The following SPTLC3 variants were observed in gnomAD, a reference collection of about 807,000 sequenced individuals.
SPTLC3 encodes the protein serine palmitoyltransferase long chain base subunit 3.
A neutral mutation model predicts 59.3 loss-of-function variants in SPTLC3; 36 were observed. The ratio of observed to expected loss-of-function variants is 0.61; its 90% CI spans 0.47 to 0.80. SPTLC3 has a LOEUF of 0.80. Among genes scored for constraint, SPTLC3 ranks in the 30% least tolerant of loss-of-function variants. SPTLC3 has a pLI of 0.00. For synonymous variants in SPTLC3, 257 were observed against 240.8 expected (o/e 1.07, Z -0.62); for missense variants, 625 against 685.1 (o/e 0.91, Z 0.98).
intron 1 of SPTLC3, among the ~76,000 whole-genome samples, chr20:13,046,760 A>T (rs1987252349): frequency 6.6e-6 from 1 of 152,222 alleles, no homozygotes; most frequent in African/African-American, 2.4e-5. Flanking sequence ...GGACATAGTT[A>T]GAGGGAGGAG....
chr20:13,115,263 T>G (rs529622565), intron 7 of SPTLC3, among the ~76,000 whole-genome samples: 2 of 152,284 alleles, frequency 1.3e-5, no homozygotes, highest in South Asian at 2.1e-4. Context: ...GAAAACTTAG[T>G]GTGGGTGAAT....
chr20:13,161,322 T>C (rs1460526976), intron 11 of SPTLC3, among the ~76,000 whole-genome samples: 1 of 152,160 alleles, frequency 6.6e-6, no homozygotes, highest in Non-Finnish European at 1.5e-5. Flanking sequence ...CTAGACATGT[T>C]GAGACTATGT....
intron 1 of SPTLC3, among the ~76,000 whole-genome samples, chr20:13,033,848 C>A (rs979962050): frequency 6.6e-6 from 1 of 152,026 alleles, no homozygotes; most frequent in African/African-American, 2.4e-5. Flanking sequence ...GAACATCCAG[C>A]CTGGTGCTTT....
intron 1 of SPTLC3, among the ~76,000 whole-genome samples, chr20:13,019,663 G>A (rs1985761800): frequency 6.6e-6 from 1 of 152,146 alleles, no homozygotes; most frequent in Non-Finnish European, 1.5e-5. Context: ...TAGAGACCTG[G>A]TGATATTTAT....
intron 1 of SPTLC3, among the ~76,000 whole-genome samples, chr20:13,034,736 T>C (rs1301628687): frequency 1.3e-5 from 2 of 151,860 alleles, no homozygotes; most frequent in Non-Finnish European, 2.9e-5. Context: ...AAGAACTAAA[T>C]AGTGTATCAT....
intron 7 of SPTLC3, among the ~76,000 whole-genome samples, chr20:13,111,636 G>C (rs979659823): frequency 1.3e-5 from 2 of 152,166 alleles, no homozygotes; most frequent in African/African-American, 4.8e-5. Context: ...CTTTTTCCCT[G>C]TGTGATTTGT....
At chr20:13,029,416 G>A (rs2122423143) in intron 1 of SPTLC3, among the ~76,000 whole-genome samples, 1 of 152,200 alleles carries the variant, frequency 6.6e-6, no homozygotes, top group South Asian at 2.1e-4. Context: ...GAGCTATGAT[G>A]GCTAAAACAT....
chr20:13,134,520 C>G (rs760108221), intron 9 of SPTLC3, among the ~76,000 whole-genome samples: 1 of 152,262 alleles, frequency 6.6e-6, no homozygotes, highest in South Asian at 2.1e-4. Flanking sequence ...CATCATACAG[C>G]AGTGGTTCTC....
chr20:13,017,824 C>G (rs1375644172), intron 1 of SPTLC3, among the ~76,000 whole-genome samples: 3 of 152,130 alleles, frequency 2.0e-5, no homozygotes, highest in Admixed American at 1.3e-4. Flanking sequence ...TGGGCTAGAC[C>G]TAATGACTTA....
At chr20:13,032,650 A>G (rs1986544678) in intron 1 of SPTLC3, among the ~76,000 whole-genome samples, 1 of 151,982 alleles carries the variant, frequency 6.6e-6, no homozygotes, top group Non-Finnish European at 1.5e-5. Flanking sequence ...GCTCTCCCTC[A>G]TTCACTCATT....
intron 1 of SPTLC3, among the ~76,000 whole-genome samples, chr20:13,015,728 C>T (rs948205051): frequency 3.9e-5 from 6 of 152,130 alleles, no homozygotes; most frequent in African/African-American, 1.4e-4. Context: ...GCACTACCAA[C>T]TAGTAAATCA....
At chr20:13,038,046 AT>A (rs1271240226) in intron 1 of SPTLC3, among the ~76,000 whole-genome samples, 8 of 133,238 alleles carry the variant, frequency 6.0e-5, no homozygotes, top group East Asian at 3.9e-4. Context: ...AAAATCATGA[AT>A]ATATATATAT....
At chr20:13,041,529 A>T (rs1986980421) in intron 1 of SPTLC3, among the ~76,000 whole-genome samples, 1 of 151,892 alleles carries the variant, frequency 6.6e-6, no homozygotes, top group South Asian at 2.1e-4. Context: ...CTCCTTTAAC[A>T]TGGTTTCCTT....
At chr20:13,124,741 G>T (rs2037948444) in intron 8 of SPTLC3, among the ~76,000 whole-genome samples, 1 of 152,192 alleles carries the variant, frequency 6.6e-6, no homozygotes, top group South Asian at 2.1e-4. Context: ...AACTGTGAAT[G>T]TTGAAAATGC....
chr20:13,072,225 C>A, intron 2 of SPTLC3, 31 bp from the exon 3 acceptor site: 1 of 1,580,354 alleles, frequency 6.3e-7, no homozygotes, highest in South Asian at 1.2e-5. Flanking sequence ...AGCAAAGAAC[C>A]AGAGATAACC....
chr20:13,153,015 G>A (rs1158874848), intron 9 of SPTLC3, among the ~76,000 whole-genome samples: 2 of 152,194 alleles, frequency 1.3e-5, no homozygotes, highest in East Asian at 1.9e-4. Flanking sequence ...ATGGAGGTCT[G>A]CTAAAGACAA....
At chr20:13,102,209 T>C (rs986402709) in intron 6 of SPTLC3, among the ~76,000 whole-genome samples, 1 of 152,212 alleles carries the variant, frequency 6.6e-6, no homozygotes, top group African/African-American at 2.4e-5. Context: ...TGATCTTTTA[T>C]ATTTCAATGT....
intron 1 of SPTLC3, among the ~76,000 whole-genome samples, chr20:13,044,423 A>ATATATCCTAGGTCAATG (rs1355783636): frequency 2.0e-5 from 3 of 152,048 alleles, no homozygotes; most frequent in African/African-American, 7.2e-5. Flanking sequence ...TTCTTGATCA[A>ATATATCCTAGGTCAATG]TATATCCTAG....
At chr20:13,080,577 T>C (rs1224571477) in intron 4 of SPTLC3, among the ~76,000 whole-genome samples, 1 of 151,242 alleles carries the variant, frequency 6.6e-6, no homozygotes, top group Non-Finnish European at 1.5e-5. Context: ...TTTGTCATTA[T>C]CACATCACCC....
Sources: allele counts gnomAD v4.1 joint callset (sites outside exome capture counted in the v4.1 genomes callset), GRCh38; gene constraint gnomAD v4.1.1; transcripts MANE v1.5; gene names NCBI Gene and HGNC (gene_info 2026-07-23, HGNC 2026-07-21).